The following GLRA1 variants were observed in gnomAD, a reference collection of about 807,000 sequenced individuals.
GLRA1 encodes glycine receptor alpha 1, also known as glycine receptor subunit alpha-1.
GLRA1 carries 37 observed loss-of-function variants against 48.3 expected under a neutral mutation model. That is an observed-to-expected ratio of 0.77 (90% CI 0.59 to 1.01). The LOEUF is 1.01. GLRA1 is among the 50% of genes least tolerant of loss of function. The pLI is 0.00. For missense variants in GLRA1, 427 were observed against 571.0 expected (o/e 0.75, Z 2.57); for synonymous variants, 196 against 210.7 (o/e 0.93, Z 0.60).
At chr5:151,912,440 G>T (rs1754640457) in intron 1 of GLRA1, among the ~76,000 whole-genome samples, 1 of 152,104 alleles carries the variant, frequency 6.6e-6, no homozygotes, top group Non-Finnish European at 1.5e-5. Context: ...ATCTGCAATG[G>T]CTCAGATGTT....
chr5:151,884,627 A>T (rs1183207242), intron 3 of GLRA1, among the ~76,000 whole-genome samples: 2 of 152,186 alleles, frequency 1.3e-5, no homozygotes, highest in African/African-American at 4.8e-5. Flanking sequence ...TTTAATCACC[A>T]TGGGAAGTAA....
intron 7 of GLRA1, among the ~76,000 whole-genome samples, chr5:151,831,069 A>G (rs1340806724): frequency 6.6e-6 from 1 of 152,198 alleles, no homozygotes; most frequent in Non-Finnish European, 1.5e-5. Context: ...TCCCCTGGCC[A>G]AGGGAAGCCC....
chr5:151,902,015 G>C (rs1262083963), intron 1 of GLRA1, among the ~76,000 whole-genome samples: 1 of 152,164 alleles, frequency 6.6e-6, no homozygotes, highest in Non-Finnish European at 1.5e-5. Context: ...CCTCTGAGAA[G>C]CCTCTCTGGT....
chr5:151,854,000 C>T lies in GLRA1; in HGVS notation c.697+1040G>A, dbSNP rs28631567. On this transcript the variant is annotated intron_variant, in intron 6 of 8. Transcript: ENST00000274576. ...AATGCATATGTATATCAGAACATCA[C>T]GTTGCATACCTTCGATATATGCAAT... 6.5e-3 allele frequency among the ~76,000 whole-genome samples: 991 copies of T among 152,224 alleles called. 10 individuals are homozygous for T. Among genetic ancestry groups the T allele is most frequent in the African/African-American group, 0.023 (941 of 41,522 alleles).
At chr5:151,869,819 C>T (rs990901183) in intron 3 of GLRA1, among the ~76,000 whole-genome samples, 13 of 149,720 alleles carry the variant, frequency 8.7e-5, no homozygotes, top group Non-Finnish European at 1.9e-4. Flanking sequence ...GGAGAGGAAA[C>T]CAAAATTTAG....
intron 7 of GLRA1, among the ~76,000 whole-genome samples, chr5:151,834,456 T>A (rs2113301416): frequency 6.6e-6 from 1 of 152,240 alleles, no homozygotes; most frequent in African/African-American, 2.4e-5. Flanking sequence ...TACCAGAATC[T>A]CTGGGACACA....
At chr5:151,857,741 A>G (rs1378666996) in intron 4 of GLRA1, among the ~76,000 whole-genome samples, 1 of 152,198 alleles carries the variant, frequency 6.6e-6, no homozygotes, top group African/African-American at 2.4e-5. Flanking sequence ...AGTCCTCTCA[A>G]CAGAATTTGA....
intron 3 of GLRA1, among the ~76,000 whole-genome samples, chr5:151,876,772 G>A (rs923475665): frequency 2.6e-5 from 4 of 152,118 alleles, no homozygotes; most frequent in African/African-American, 9.7e-5. Flanking sequence ...TGGACTGAAT[G>A]TGTCCCTCCA....
chr5:151,901,797 C>A (rs545832697), intron 1 of GLRA1, among the ~76,000 whole-genome samples: 1 of 152,262 alleles, frequency 6.6e-6, no homozygotes, highest in East Asian at 1.9e-4. Context: ...TTACATATTT[C>A]ACTGGATTTA....
chr5:151,849,007 C>G, intron 7 of GLRA1: 1 of 668,544 alleles, frequency 1.5e-6, no homozygotes, highest in Non-Finnish European at 2.8e-6. Flanking sequence ...AAGGATGGCG[C>G]TGCAAGACCC....
At chr5:151,854,969 T>G (rs1752997733) in intron 6 of GLRA1, 71 bp downstream of exon 6, 1 of 1,461,446 alleles carries the variant, frequency 6.8e-7, no homozygotes. Context: ...GATCAATGAT[T>G]GAATGTGTCT....
At chr5:151,832,595 A>G (rs1763451263) in intron 7 of GLRA1, among the ~76,000 whole-genome samples, 1 of 152,230 alleles carries the variant, frequency 6.6e-6, no homozygotes, top group Non-Finnish European at 1.5e-5. Flanking sequence ...AGACAAGATT[A>G]GAGAAAAAAG....
chr5:151,854,987 C>T, intron 6 of GLRA1, 53 bp downstream of exon 6: 1 of 1,575,362 alleles, frequency 6.3e-7, no homozygotes, highest in South Asian at 1.1e-5. Context: ...TCTGAAATGA[C>T]CTCTGGTCCT....
At chr5:151,889,236 C>T (rs1753995233) in intron 2 of GLRA1, among the ~76,000 whole-genome samples, 1 of 152,234 alleles carries the variant, frequency 6.6e-6, no homozygotes, top group Non-Finnish European at 1.5e-5. Flanking sequence ...CTGCCTTTGG[C>T]AGCAGGATAA....
chr5:151,827,242 G>A (rs1222354114), intron 8 of GLRA1, among the ~76,000 whole-genome samples: 4 of 151,546 alleles, frequency 2.6e-5, no homozygotes, highest in African/African-American at 9.7e-5. Flanking sequence ...AAAACTAGGG[G>A]TCATTTAAGA....
intron 2 of GLRA1, among the ~76,000 whole-genome samples, chr5:151,889,290 G>A (rs922368231): frequency 6.6e-6 from 1 of 152,290 alleles, no homozygotes; most frequent in East Asian, 1.9e-4. Context: ...TTGCTTTTTT[G>A]TATGTATTTG....
At chr5:151,924,426 A>C (rs1754956288) in intron 1 of GLRA1, 68 bp downstream of exon 1, 2 of 949,392 alleles carry the variant, frequency 2.1e-6, no homozygotes, top group Admixed American at 3.4e-5. Context: ...GACCACGGAC[A>C]GAGGTAGCCT....
chr5:151,849,120 C>CTTTCTTTCTTTCTTTCTT (rs1752776893), intron 7 of GLRA1: 5 of 172,950 alleles, frequency 2.9e-5, no homozygotes, highest in Admixed American at 8.1e-5. Context: ...TTCTTTCTTT[C>CTTTCTTTCTTTCTTTCTT]TTTCTTTCTT....
chr5:151,904,680 G>A (rs73285998), intron 1 of GLRA1, among the ~76,000 whole-genome samples: 1 of 152,312 alleles, frequency 6.6e-6, no homozygotes, highest in African/African-American at 2.4e-5. Context: ...TACTTATTCT[G>A]TCTAAATCTT....
Sources: allele counts gnomAD v4.1 joint callset (sites outside exome capture counted in the v4.1 genomes callset), GRCh38; gene constraint gnomAD v4.1.1; transcripts MANE v1.5; gene names NCBI Gene and HGNC (gene_info 2026-07-23, HGNC 2026-07-21).